The following PLCB4 variants were observed in gnomAD, a reference collection of about 807,000 sequenced individuals.
PLCB4 encodes the protein 1-phosphatidylinositol 4,5-bisphosphate phosphodiesterase beta-4.
In PLCB4, 77 loss-of-function variants were observed where a neutral mutation model predicts 178.8. That is an observed-to-expected ratio of 0.43 (90% CI 0.36 to 0.52). PLCB4 has a LOEUF of 0.52. PLCB4 is among the 20% of genes least tolerant of loss of function. The probability of loss-of-function intolerance (pLI) is 0.00; values close to 1 mark genes in which losing one functional copy is unlikely to be tolerated. For synonymous variants in PLCB4, 496 were observed against 490.8 expected, an observed-to-expected ratio of 1.01 and a Z score of -0.14; for missense variants, 1,024 against 1,453.4, an observed-to-expected ratio of 0.70 and a Z score of 4.80.
intron 2 of PLCB4, among the ~76,000 whole-genome samples, chr20:9,210,429 G>A (rs1415361299): frequency 1.3e-5 from 2 of 152,142 alleles, no homozygotes; most frequent in Non-Finnish European, 2.9e-5. Context: ...TGTTGCTGAT[G>A]AGGGCTTTCA....
At chr20:9,247,941 A>G (rs931788638) in intron 3 of PLCB4, among the ~76,000 whole-genome samples, 3 of 152,184 alleles carry the variant, frequency 2.0e-5, no homozygotes, top group African/African-American at 7.2e-5. Flanking sequence ...TTCAAATTTA[A>G]ATAGCCTGTA....
chr20:9,374,709 G>T (rs1472280123), intron 12 of PLCB4, among the ~76,000 whole-genome samples: 1 of 152,146 alleles, frequency 6.6e-6, no homozygotes, highest in African/African-American at 2.4e-5. Flanking sequence ...TTGAGGATAA[G>T]TGCAGTATTT....
chr20:9,282,211 T>A (rs988519292), intron 3 of PLCB4, among the ~76,000 whole-genome samples: 1 of 152,038 alleles, frequency 6.6e-6, no homozygotes, highest in Non-Finnish European at 1.5e-5. Flanking sequence ...TATTCACTTC[T>A]TCATCAAAGA....
At chr20:9,092,964 A>G (rs2090750414) in intron 1 of PLCB4, among the ~76,000 whole-genome samples, 2 of 152,152 alleles carry the variant, frequency 1.3e-5, no homozygotes, top group African/African-American at 4.8e-5. Context: ...TCGTAACGCT[A>G]TAAATGTTGG....
chr20:9,308,757 G>C (rs980596205), intron 4 of PLCB4, among the ~76,000 whole-genome samples: 2 of 151,978 alleles, frequency 1.3e-5, no homozygotes, highest in East Asian at 1.9e-4. Flanking sequence ...ATTTCTGCAG[G>C]GTGCATCTCT....
intron 33 of PLCB4, among the ~76,000 whole-genome samples, chr20:9,457,189 G>C (rs1195536434): frequency 6.6e-6 from 1 of 152,158 alleles, no homozygotes; most frequent in South Asian, 2.1e-4. Context: ...ATAATTGTTA[G>C]GTTTGAAGTG....
intron 4 of PLCB4, among the ~76,000 whole-genome samples, chr20:9,316,273 C>T (rs556070673): frequency 1.7e-4 from 26 of 152,076 alleles, no homozygotes; most frequent in Non-Finnish European, 3.7e-4. Context: ...CTGGCCCAGG[C>T]GTATGTGCAT....
At chr20:9,126,999 G>C (rs1029303447) in intron 2 of PLCB4, among the ~76,000 whole-genome samples, 1 of 152,076 alleles carries the variant, frequency 6.6e-6, no homozygotes, top group Non-Finnish European at 1.5e-5. Context: ...TACTTACATA[G>C]CATATCCTCT....
intron 4 of PLCB4, among the ~76,000 whole-genome samples, chr20:9,329,588 G>A (rs1315872243): frequency 6.6e-6 from 1 of 152,120 alleles, no homozygotes; most frequent in Admixed American, 6.5e-5. Context: ...AGTTACTGGT[G>A]GAAGGGGGAA....
chr20:9,307,494 T>TATATATACACAC (rs1396442853), intron 3 of PLCB4, among the ~76,000 whole-genome samples: 1 of 138,096 alleles, frequency 7.2e-6, no homozygotes, highest in African/African-American at 2.8e-5. Context: ...AAAAAAAGAA[T>TATATATACACAC]ACACACACAC....
intron 3 of PLCB4, among the ~76,000 whole-genome samples, chr20:9,237,857 C>G (rs1378742699): frequency 6.7e-6 from 1 of 148,194 alleles, no homozygotes; most frequent in Non-Finnish European, 1.5e-5. Context: ...TTTTTTCTTT[C>G]TTAGTATTTT....
At chr20:9,331,980 C>T (rs1014036698) in intron 4 of PLCB4, among the ~76,000 whole-genome samples, 4 of 152,220 alleles carry the variant, frequency 2.6e-5, no homozygotes, top group African/African-American at 9.7e-5. Context: ...TCTAGCCTTG[C>T]TCTCTAGTGG....
intron 2 of PLCB4, among the ~76,000 whole-genome samples, chr20:9,172,195 T>C (rs984299698): frequency 6.6e-6 from 1 of 152,160 alleles, no homozygotes; most frequent in African/African-American, 2.4e-5. Context: ...ACCCCATCCA[T>C]GATCTAGAAT....
intron 14 of PLCB4, among the ~76,000 whole-genome samples, chr20:9,386,957 A>T (rs1392505178): frequency 6.7e-6 from 1 of 149,148 alleles, no homozygotes; most frequent in Non-Finnish European, 1.5e-5. Context: ...CAGTGGCATG[A>T]TGTCAGCTCA....
chr20:9,088,646 G>A (rs2090545139), intron 1 of PLCB4, among the ~76,000 whole-genome samples: 1 of 152,146 alleles, frequency 6.6e-6, no homozygotes, highest in African/African-American at 2.4e-5. Flanking sequence ...TAAGAGGAAT[G>A]AGGTTGCTAA....
At chr20:9,406,337 G>A (rs1223933087) in intron 21 of PLCB4, among the ~76,000 whole-genome samples, 3 of 152,054 alleles carry the variant, frequency 2.0e-5, no homozygotes, top group Non-Finnish European at 4.4e-5. Flanking sequence ...TGTTTGGTGG[G>A]GGAGCAGGAG....
intron 20 of PLCB4, among the ~76,000 whole-genome samples, chr20:9,404,672 GTGC>G (rs2039303974): frequency 6.6e-6 from 1 of 151,860 alleles, no homozygotes; most frequent in African/African-American, 2.4e-5. Flanking sequence ...TAGTCAGTTG[GTGC>G]TGCTATCACA....
intron 3 of PLCB4, among the ~76,000 whole-genome samples, chr20:9,226,478 G>A (rs2093867185): frequency 6.6e-6 from 1 of 152,194 alleles, no homozygotes; most frequent in African/African-American, 2.4e-5. Flanking sequence ...TCACAGTGTG[G>A]TGGGAAGAAT....
chr20:9,287,809 T>C (rs1206468624), intron 3 of PLCB4, among the ~76,000 whole-genome samples: 2 of 152,124 alleles, frequency 1.3e-5, no homozygotes, highest in African/African-American at 2.4e-5. Context: ...ATATGCATGA[T>C]TTATCTGCAT....
Sources: allele counts gnomAD v4.1 joint callset (sites outside exome capture counted in the v4.1 genomes callset), GRCh38; gene constraint gnomAD v4.1.1; transcripts MANE v1.5; gene names NCBI Gene and HGNC (gene_info 2026-07-23, HGNC 2026-07-21).